The following AIM2 variants were observed in gnomAD, a reference collection of about 807,000 sequenced individuals.
AIM2 encodes the protein absent in melanoma 2.
In AIM2, 30 loss-of-function variants were observed where a neutral mutation model predicts 27.7. That is an observed-to-expected ratio of 1.08 (90% CI 0.81 to 1.47). The LOEUF (loss-of-function observed/expected upper bound fraction) is 1.47. Among genes scored for constraint, AIM2 ranks in the 40% most tolerant of loss-of-function variants. The pLI, the probability that AIM2 is intolerant of heterozygous loss-of-function variation, is 0.00. For synonymous variants in AIM2, 141 were observed against 145.3 expected (o/e 0.97, Z 0.21); for missense variants, 358 against 411.3 (o/e 0.87, Z 1.12).
At chr1:159,082,001 T>A (rs2102000161) in intron 1 of AIM2, among the ~76,000 whole-genome samples, 1 of 152,348 alleles carries the variant, frequency 6.6e-6, no homozygotes, top group South Asian at 2.1e-4. Context: ...TTTCCTAATG[T>A]GGGAGCTTAG....
At chr1:159,109,489 C>CA (rs975382178) in intron 1 of AIM2, among the ~76,000 whole-genome samples, 3 of 152,202 alleles carry the variant, frequency 2.0e-5, no homozygotes, top group Non-Finnish European at 2.9e-5. Flanking sequence ...CCCTTCTAGA[C>CA]ATTGCCTTAG....
At chr1:159,055,880 A>G in the AIM2 span, among the ~76,000 whole-genome samples, 2 of 152,222 alleles carry the variant, frequency 1.3e-5, no homozygotes, top group Non-Finnish European at 2.9e-5. Context: ...AATATGTGAC[A>G]AACACGGAAT....
At chr1:159,104,196 T>C (rs749425910) in intron 1 of AIM2, among the ~76,000 whole-genome samples, 1 of 152,076 alleles carries the variant, frequency 6.6e-6, no homozygotes, top group Admixed American at 6.5e-5. Context: ...AAAGAGACTA[T>C]TCCAAGATAG....
At chr1:159,114,270 T>C (rs568597234) in intron 1 of AIM2, among the ~76,000 whole-genome samples, 10 of 152,128 alleles carry the variant, frequency 6.6e-5, no homozygotes, top group South Asian at 2.1e-4. Flanking sequence ...GGAAAACACA[T>C]GAGTACAAAG....
intron 1 of AIM2, among the ~76,000 whole-genome samples, chr1:159,097,788 T>C (rs948831157): frequency 2.0e-5 from 3 of 152,198 alleles, no homozygotes; most frequent in Non-Finnish European, 2.9e-5. Context: ...TGACACAAAC[T>C]ATAAGTATTA....
At chr1:159,081,036 G>A (rs1483308698), upstream of AIM2, 1 of 164,648 alleles carries the variant, frequency 6.1e-6, no homozygotes, top group Non-Finnish European at 1.4e-5. Context: ...CTTCTCTACA[G>A]AAAATTCAAT....
At chr1:159,068,771 A>C in intron 2 of AIM2, 70 bp from the exon 3 acceptor site, 1 of 1,448,274 alleles carries the variant, frequency 6.9e-7, no homozygotes, top group Non-Finnish European at 9.4e-7. Flanking sequence ...TTCAAATGTC[A>C]CCAGGAATAA....
At chr1:159,125,309 T>C (rs1342966741) in intron 1 of AIM2, among the ~76,000 whole-genome samples, 1 of 152,210 alleles carries the variant, frequency 6.6e-6, no homozygotes, top group African/African-American at 2.4e-5. Flanking sequence ...ATATTAGCTG[T>C]AGAACAAGCT....
At chr1:159,145,960 G>A (rs1297805822) in intron 1 of AIM2, among the ~76,000 whole-genome samples, 1 of 152,112 alleles carries the variant, frequency 6.6e-6, no homozygotes, top group Non-Finnish European at 1.5e-5. Context: ...ATAAAAAGTA[G>A]CTGGGCATGG....
At chr1:159,095,476 C>T (rs1364513374) in intron 1 of AIM2, among the ~76,000 whole-genome samples, 2 of 152,184 alleles carry the variant, frequency 1.3e-5, no homozygotes, top group Admixed American at 1.3e-4. Flanking sequence ...GTATCTGCCA[C>T]CCGGGCCTAC....
intron 1 of AIM2, among the ~76,000 whole-genome samples, chr1:159,098,730 G>A (rs1657253315): frequency 6.6e-6 from 1 of 152,170 alleles, no homozygotes; most frequent in Non-Finnish European, 1.5e-5. Context: ...AGCTGAGATT[G>A]TTTGTTTAAC....
At chr1:159,105,213 G>T (rs1193927528) in intron 1 of AIM2, among the ~76,000 whole-genome samples, 2 of 152,258 alleles carry the variant, frequency 1.3e-5, no homozygotes, top group Non-Finnish European at 2.9e-5. Context: ...CGCCAGCATA[G>T]GCACTGGCTC....
chr1:159,122,474 C>T (rs1176107739), intron 1 of AIM2: 2 of 152,210 alleles, frequency 1.3e-5, no homozygotes, highest in African/African-American at 4.8e-5. Context: ...GCTTCCATTC[C>T]CAACTGGAAG....
chr1:159,102,898 G>C (rs1158714584), intron 1 of AIM2, among the ~76,000 whole-genome samples: 1 of 152,160 alleles, frequency 6.6e-6, no homozygotes, highest in Non-Finnish European at 1.5e-5. Context: ...TTGGACTTTT[G>C]GGTTAATGCT....
intron 1 of AIM2, among the ~76,000 whole-genome samples, chr1:159,135,006 C>G (rs1456144760): frequency 6.6e-6 from 1 of 152,188 alleles, no homozygotes; most frequent in Non-Finnish European, 1.5e-5. Flanking sequence ...TGTCCTTGAT[C>G]TTCCTGAAGA....
upstream of AIM2, among the ~76,000 whole-genome samples, chr1:159,141,219 T>C (rs1379399011): frequency 6.6e-6 from 1 of 152,154 alleles, no homozygotes; most frequent in Non-Finnish European, 1.5e-5. Flanking sequence ...CAGAGGACAG[T>C]TGGACATTTT....
intron 1 of AIM2, among the ~76,000 whole-genome samples, 184 bp downstream of exon 1, chr1:159,076,449 C>A (rs1247872939): frequency 6.6e-6 from 1 of 152,168 alleles, no homozygotes; most frequent in African/African-American, 2.4e-5. Context: ...CTCAGAGACA[C>A]CAGAGGACAT....
chr1:159,107,609 C>T (rs576211067), intron 1 of AIM2, among the ~76,000 whole-genome samples: 7 of 152,082 alleles, frequency 4.6e-5, no homozygotes, highest in East Asian at 1.9e-4. Flanking sequence ...GAAATATAAA[C>T]GAAACAAAAA....
intron 1 of AIM2, among the ~76,000 whole-genome samples, chr1:159,117,429 A>G (rs16841709): frequency 0.087 from 13,178 of 152,212 alleles, 1,424 homozygotes; most frequent in African/African-American, 0.26. Flanking sequence ...ATAATAATAT[A>G]TCAAGTATAA....
Sources: gnomAD v4.1 joint callset for allele counts (sites outside exome capture counted in the v4.1 genomes callset) on GRCh38, gnomAD v4.1.1 for gene constraint, MANE v1.5 for transcripts, NCBI Gene and HGNC (gene_info 2026-07-23, HGNC 2026-07-21) for gene names.